Variants in FHIT observed in about 807,000 individuals in gnomAD.
FHIT encodes bis(5'-adenosyl)-triphosphatase.
Under a neutral mutation model 17.9 loss-of-function variants are expected in FHIT, and 19 were observed. The observed-to-expected ratio is 1.06, with a 90% CI of 0.74 to 1.56. FHIT has a LOEUF of 1.56. Among genes scored for constraint, FHIT ranks in the 40% most tolerant of loss-of-function variants. The pLI is 0.00. For synonymous variants in FHIT, 81 were observed against 69.7 expected (o/e 1.16, Z -0.81); for missense variants, 248 against 189.2 (o/e 1.31, Z -1.82).
chr3:59,868,062 A>G (rs1006559493), intron 8 of FHIT, among the ~76,000 whole-genome samples: 2 of 151,682 alleles, frequency 1.3e-5, no homozygotes, highest in Non-Finnish European at 2.9e-5. Context: ...AAAAAAAAAA[A>G]AAAACCTTTC....
At chr3:60,363,720 G>A (rs1274316568) in intron 5 of FHIT, among the ~76,000 whole-genome samples, 3 of 152,140 alleles carry the variant, frequency 2.0e-5, no homozygotes, top group African/African-American at 4.8e-5. Flanking sequence ...TACCCCAGGA[G>A]TCTGGCCTCC....
intron 3 of FHIT, among the ~76,000 whole-genome samples, chr3:60,907,603 T>C (rs1451080630): frequency 6.7e-6 from 1 of 149,802 alleles, no homozygotes; most frequent in Non-Finnish European, 1.5e-5. Context: ...ATATTCATCT[T>C]AGGAGGTATA....
At chr3:61,093,440 T>C (rs952773005) in intron 2 of FHIT, among the ~76,000 whole-genome samples, 6 of 152,066 alleles carry the variant, frequency 3.9e-5, no homozygotes, top group African/African-American at 1.4e-4. Context: ...AGGGAAGCTC[T>C]TACAATACAG....
At chr3:60,634,873 T>C (rs2039540408) in intron 4 of FHIT, among the ~76,000 whole-genome samples, 1 of 152,194 alleles carries the variant, frequency 6.6e-6, no homozygotes, top group African/African-American at 2.4e-5. Flanking sequence ...AAATACCTTA[T>C]TTTAGAGTGA....
intron 5 of FHIT, among the ~76,000 whole-genome samples, chr3:60,399,496 C>T (rs950586577): frequency 6.6e-6 from 1 of 152,146 alleles, no homozygotes; most frequent in African/African-American, 2.4e-5. Flanking sequence ...CTGACTCACA[C>T]TCTATTTTGG....
At chr3:59,830,411 T>A (rs1419494617) in intron 8 of FHIT, among the ~76,000 whole-genome samples, 1 of 152,210 alleles carries the variant, frequency 6.6e-6, no homozygotes, top group African/African-American at 2.4e-5. Flanking sequence ...ACTCAGAGAT[T>A]CAGAGATATC....
chr3:60,096,022 GAC>G (rs1703932983), intron 5 of FHIT, among the ~76,000 whole-genome samples: 1 of 152,148 alleles, frequency 6.6e-6, no homozygotes, highest in Non-Finnish European at 1.5e-5. Context: ...TGAAGGAGTT[GAC>G]ACAGGATTTT....
rs549655426 is a variant in FHIT at position 60,045,475 on chromosome 3, G to A, written c.104-31323C>T. ...TCACCCACCATCATGAGAACAGCTT[G>A]GGAAAGACCTGCCCCCATGATTCAA... On this transcript the variant is annotated intron_variant, in intron 5 of 9. Coordinates refer to ENST00000492590, the MANE Select transcript of FHIT (RefSeq NM_002012.4). Among the ~76,000 whole-genome samples, 70 of 152,170 alleles carry A rather than the reference G, an allele frequency of 4.6e-4. 1 individual carries two copies. Among genetic ancestry groups the A allele is most frequent in the African/African-American group, 1.5e-3 (61 of 41,512 alleles).
chr3:60,048,055 G>C (rs1701722154), intron 5 of FHIT, among the ~76,000 whole-genome samples: 1 of 152,204 alleles, frequency 6.6e-6, no homozygotes, highest in African/African-American at 2.4e-5. Context: ...CTTGCAGATG[G>C]TCTTCACCGT....
intron 3 of FHIT, among the ~76,000 whole-genome samples, chr3:60,860,740 T>TATATATCAGGTATATATGTACATATGTA (rs1424177333): frequency 2.8e-4 from 8 of 28,992 alleles, no homozygotes; most frequent in East Asian, 9.8e-4. Context: ...GTACATATGT[T>TATATATCAGGTATATATGTACATATGTA]CATATATATC....
chr3:60,125,759 G>C (rs1275965332), intron 5 of FHIT, among the ~76,000 whole-genome samples: 1 of 151,908 alleles, frequency 6.6e-6, no homozygotes, highest in Non-Finnish European at 1.5e-5. Flanking sequence ...AGAGACACTC[G>C]GGAGGACTGC....
intron 5 of FHIT, among the ~76,000 whole-genome samples, chr3:60,026,317 G>GAAA (rs11369408): frequency 6.8e-6 from 1 of 147,394 alleles, no homozygotes. Context: ...GGTTGGTTTA[G>GAAA]AAAAAAAAAA....
At chr3:60,791,656 A>G (rs549462558) in intron 4 of FHIT, among the ~76,000 whole-genome samples, 1 of 152,310 alleles carries the variant, frequency 6.6e-6, no homozygotes, top group Admixed American at 6.5e-5. Flanking sequence ...CAGAAACAAT[A>G]TAATACACCT....
At chr3:61,036,292 G>A (rs1054475133) in intron 3 of FHIT, among the ~76,000 whole-genome samples, 9 of 152,074 alleles carry the variant, frequency 5.9e-5, no homozygotes, top group African/African-American at 1.9e-4. Context: ...AGGGACTGAT[G>A]CTAAGCTATT....
chr3:60,844,721 T>G (rs563268686), intron 3 of FHIT, among the ~76,000 whole-genome samples: 1 of 152,288 alleles, frequency 6.6e-6, no homozygotes, highest in African/African-American at 2.4e-5. Flanking sequence ...CAAACTTACT[T>G]GAAATTTTTC....
rs566486649 is a variant in FHIT at position 60,280,950 on chromosome 3, C to G, written c.103+255910G>C. On this transcript the variant is annotated intron_variant, in intron 5 of 9. Transcript: ENST00000492590. Reference sequence around the variant, plus strand: ...ATGTAGAAAAATCCTAAAAAATTGACAAAACATTCTCTAGAACAAATAAGC... The same window carrying G: ...ATGTAGAAAAATCCTAAAAAATTGAGAAAACATTCTCTAGAACAAATAAGC... Among the ~76,000 whole-genome samples, 3 of 12,112 alleles carry G rather than the reference C, an allele frequency of 2.5e-4. No homozygotes were observed. In the East Asian group the frequency reaches 0.083, roughly 336 times the overall value. The allele number at this position is 12,112 out of a possible 152,430, so 7.9% of individuals were successfully genotyped here.
chr3:59,838,606 G>A (rs976920231), intron 8 of FHIT, among the ~76,000 whole-genome samples: 2 of 152,124 alleles, frequency 1.3e-5, no homozygotes, highest in African/African-American at 2.4e-5. Flanking sequence ...GGTTTAGAGG[G>A]CTTAGGTTTA....
At chr3:61,124,593 T>G (rs2036555361) in intron 2 of FHIT, among the ~76,000 whole-genome samples, 1 of 152,146 alleles carries the variant, frequency 6.6e-6, no homozygotes, top group Non-Finnish European at 1.5e-5. Context: ...AAGTACAAGC[T>G]AGCTCCAAAA....
intron 5 of FHIT, among the ~76,000 whole-genome samples, chr3:60,338,849 A>G (rs1199170923): frequency 6.6e-6 from 1 of 152,144 alleles, no homozygotes; most frequent in Non-Finnish European, 1.5e-5. Flanking sequence ...CCTCAGAATT[A>G]AAGAGAAAAG....
Sources: gnomAD v4.1 joint callset for allele counts (sites outside exome capture counted in the v4.1 genomes callset) on GRCh38, gnomAD v4.1.1 for gene constraint, MANE v1.5 for transcripts, NCBI Gene and HGNC (gene_info 2026-07-23, HGNC 2026-07-21) for gene names.